Variants in ALS2 observed in about 807,000 individuals in gnomAD.
ALS2 encodes alsin Rho guanine nucleotide exchange factor ALS2.
A neutral mutation model predicts 203.4 loss-of-function variants in ALS2; 117 were observed. The ratio of observed to expected loss-of-function variants is 0.58; its 90% CI spans 0.50 to 0.67. The LOEUF is 0.67. Ranked by LOEUF, ALS2 falls within the 30% of genes least tolerant of loss-of-function variation. ALS2 has a pLI of 0.00. For missense variants in ALS2, 1,715 were observed against 1,989.4 expected, an observed-to-expected ratio of 0.86 and a Z score of 2.62; for synonymous variants, 718 against 725.9, an observed-to-expected ratio of 0.99 and a Z score of 0.17.
chr2:201,738,717 T>G lies in ALS2; in HGVS notation c.2370A>C (p.Thr790=), dbSNP rs35039727. Residue 790 remains threonine (T), a synonymous_variant, in exon 12 of 34, where the codon ACA becomes ACC. Transcript: ENST00000264276. The part of the protein sequence containing the change: ...DSYTEYCTSI[T]NFLVMGGFQL... ...GGAATCCTCCCATAACCAGGAAATT[T>G]GTAATAGATGTGCAATACCTTGAGC... The G allele has an allele frequency of 3.7e-6, 6 of 1,614,072 alleles. No homozygotes were observed. The African/African-American group carries it at 6.7e-5, about 18-fold the overall frequency.
At chr2:201,729,333 GA>G in intron 13 of ALS2, 150 bp from the exon 14 acceptor site, 1 of 831,152 alleles carries the variant, frequency 1.2e-6, no homozygotes, top group Non-Finnish European at 1.9e-6. Flanking sequence ...AGGAGACTGG[GA>G]AAAGGAGATT....
rs1689315803 is a variant in ALS2, at chr2:201,700,441, C to T, written c.*1410G>A. The stretch of plus-strand genomic sequence containing the variant: ...AAAACCCCAGAGGGACTTTTGAGGC[C>T]AATACTTAGAGGCATGGATTACAAT... On this transcript the variant is annotated 3_prime_UTR_variant, in exon 34 of 34. Transcript: ENST00000264276. 1.3e-5 allele frequency: 2 copies of T among 152,452 alleles called. No homozygotes were observed. Among genetic ancestry groups the T allele is most frequent in the South Asian group, 4.1e-4 (2 of 4,828 alleles). The allele number at this position is 152,452 out of a possible 1,614,324, so 9.4% of individuals were successfully genotyped here. A position where few individuals can be genotyped will look rare whatever the true frequency, so the allele number is the denominator to read the frequency against.
At chr2:201,714,975 A>T (rs1329303852) in intron 25 of ALS2, among the ~76,000 whole-genome samples, 1 of 152,136 alleles carries the variant, frequency 6.6e-6, no homozygotes, top group Non-Finnish European at 1.5e-5. Context: ...CACTTCCGTG[A>T]TTGTGCCACA....
At chr2:201,741,918 G>T in intron 10 of ALS2, 64 bp from the exon 11 acceptor site, 2 of 1,332,272 alleles carry the variant, frequency 1.5e-6, no homozygotes, top group South Asian at 1.2e-5. Context: ...ATTATGATGT[G>T]ATTATGATTA....
At chr2:201,766,964 G>A (rs1694119667) in intron 3 of ALS2, among the ~76,000 whole-genome samples, 1 of 136,978 alleles carries the variant, frequency 7.3e-6, no homozygotes, top group Non-Finnish European at 1.5e-5. Flanking sequence ...AGCGGGGAGG[G>A]ATAGCATTAG....
chr2:201,780,490 G>C lies in ALS2; in HGVS notation c.-61+387C>G, dbSNP rs563385193. On this transcript the variant is annotated intron_variant, in intron 1 of 33. Transcript: ENST00000264276. Reference sequence around the variant, plus strand: ...ACGGACCCCAGTTTATCAGCTCAGCGCCTAGTGTGGGCATTCAAGAAATTC... The same window carrying C: ...ACGGACCCCAGTTTATCAGCTCAGCCCCTAGTGTGGGCATTCAAGAAATTC... Among the ~76,000 whole-genome samples, 57 of 152,324 alleles carry C rather than the reference G, an allele frequency of 3.7e-4. No homozygotes were observed. In the South Asian group the frequency reaches 0.012, roughly 32 times the overall value.
Position 201,715,683 on chromosome 2 carries a change from C to T in ALS2, c.3993G>A (p.Gln1331=). 1 of 1,614,224 alleles carries T rather than the reference C, an allele frequency of 6.2e-7. No individual in the cohort carries two copies. The part of the protein sequence containing the change: ...IAVALTTSRR[Q]HRDSPEILSR... Reference sequence around the variant, plus strand: ...AGGTGTTCACTCACCTGTCTCTGTGCTGGCGCCGACTGGTGGTCAAGGCCA... The same window carrying T: ...AGGTGTTCACTCACCTGTCTCTGTGTTGGCGCCGACTGGTGGTCAAGGCCA... Residue 1331 remains glutamine, a synonymous_variant, in exon 25 of 34, where the codon CAG becomes CAA. Coordinates refer to ENST00000264276, the MANE Select transcript of ALS2 (RefSeq NM_020919.4).
At chr2:201,716,268 G>C (rs988005100) in intron 24 of ALS2, among the ~76,000 whole-genome samples, 2 of 152,082 alleles carry the variant, frequency 1.3e-5, no homozygotes, top group Non-Finnish European at 2.9e-5. Context: ...AATTGGCTGG[G>C]CATGGTGGCT....
At chr2:201,745,896 C>G (rs1383696238) in intron 9 of ALS2, among the ~76,000 whole-genome samples, 1 of 152,102 alleles carries the variant, frequency 6.6e-6, no homozygotes. Context: ...TTGCAATGGG[C>G]CAAGACTGTG....
At chr2:201,773,507 G>GCAA (rs976913281) in intron 1 of ALS2, among the ~76,000 whole-genome samples, 1 of 152,166 alleles carries the variant, frequency 6.6e-6, no homozygotes, top group African/African-American at 2.4e-5. Context: ...CCTGAAATGG[G>GCAA]CAAGAGTGAG....
At chr2:201,779,621 T>C (rs1016098434) in intron 1 of ALS2, among the ~76,000 whole-genome samples, 3 of 152,204 alleles carry the variant, frequency 2.0e-5, no homozygotes, top group African/African-American at 7.2e-5. Context: ...TATTGAATAT[T>C]TACCATAAAA....
chr2:201,767,522 C>T, intron 2 of ALS2, 139 bp from the exon 3 acceptor site: 1 of 960,450 alleles, frequency 1.0e-6, no homozygotes, highest in Non-Finnish European at 1.6e-6. Context: ...CTATTTTATG[C>T]TTTGGTTATG....
Position 201,723,080 on chromosome 2 carries a change from T to G in ALS2, c.3665A>C (p.Glu1222Ala), listed in dbSNP as rs776717489. Residue 1222 changes from glutamate to alanine, a missense_variant, in exon 23 of 34, where the codon GAA becomes GCA. By Grantham distance (107) the Glu-to-Ala change is moderately radical. Coordinates refer to ENST00000264276, the MANE Select transcript of ALS2 (RefSeq NM_020919.4). The stretch of plus-strand genomic sequence containing the variant: ...AGTCCAGTCATCTGAAAATTCTCCT[T>G]CATAGATAGTATCATCTTCGGAAAG... ...VLLSEDDTIY[E>A]GEFSDDWTLS... 5 of 1,613,764 alleles carry G rather than the reference T, an allele frequency of 3.1e-6. No homozygotes were observed. Among genetic ancestry groups the G allele is most frequent in the Non-Finnish European group, 4.2e-6 (5 of 1,179,756 alleles).
intron 21 of ALS2, 51 bp downstream of exon 21, chr2:201,724,244 T>C (rs568535738): frequency 6.5e-6 from 10 of 1,547,310 alleles, no homozygotes; most frequent in East Asian, 2.2e-5. Flanking sequence ...TAAATAATGA[T>C]GGTGCTTAAT....
In ALS2 at chr2:201,733,427, T is replaced by G. The variant is rs1336065706; in HGVS notation, c.2429A>C (p.Asn810Thr). 6.2e-7 allele frequency: 1 copy of G among 1,613,554 alleles called. No individual in the cohort carries two copies. Residue 810 changes from asparagine (N) to threonine (T), a missense_variant, in exon 13 of 34, where the codon AAT (asparagine) becomes ACT (threonine). Transcript: ENST00000264276. ...LLAKPAIDFL[N>T]KNQELLQDLS... ...ATCTTGCAACAGCTCTTGGTTTTTA[T>G]TTAGGAAATCACTAGAGGCAGAGGA...
intron 9 of ALS2, among the ~76,000 whole-genome samples, 191 bp downstream of exon 9, chr2:201,746,375 T>C (rs1180979874): frequency 6.6e-6 from 1 of 152,138 alleles, no homozygotes; most frequent in African/African-American, 2.4e-5. Context: ...AATTATATAG[T>C]GTATTCGATG....
Position 201,761,565 on chromosome 2 carries a change from C to A in ALS2, c.429G>T (p.Glu143Asp). 3 of 1,614,212 alleles carry A rather than the reference C, an allele frequency of 1.9e-6. No homozygotes were observed. The highest frequency in any genetic ancestry group is 1.7e-6 in the Non-Finnish European group (2 of 1,180,036). ...EPNPVSIADSEASPLLAVRIL... is the reference protein window; with the variant it reads ...EPNPVSIADSDASPLLAVRIL... ...TCCTGACTGCTAACAAAGGGCTGGCCTCAGAATCAGCAATGCTGACAGGAT... is the reference window on the plus strand; with the variant it reads ...TCCTGACTGCTAACAAAGGGCTGGCATCAGAATCAGCAATGCTGACAGGAT... Residue 143 changes from glutamate to aspartate, a missense_variant, in exon 4 of 34, where the codon GAG becomes GAT. By Grantham distance (45) the Glu-to-Asp change is conservative. This residue lies in a region of ALS2 where 476 missense variants were observed against 539.3 expected (regional missense o/e 0.88). Transcript: ENST00000264276.
At chr2:201,754,847 C>G (rs947731411) in intron 5 of ALS2, among the ~76,000 whole-genome samples, 176 bp from the exon 6 acceptor site, 2 of 152,224 alleles carry the variant, frequency 1.3e-5, no homozygotes, top group Admixed American at 6.5e-5. Flanking sequence ...TTGGTAAATA[C>G]TCACTGCTAC....
intron 8 of ALS2, 88 bp from the exon 9 acceptor site, chr2:201,746,836 T>C: frequency 6.8e-7 from 1 of 1,475,468 alleles, no homozygotes; most frequent in Non-Finnish European, 9.4e-7. Context: ...TTAGGTTGCT[T>C]AAATAAGCGT....
Sources: allele counts gnomAD v4.1 joint callset (sites outside exome capture counted in the v4.1 genomes callset), GRCh38; gene constraint gnomAD v4.1.1; regional missense constraint gnomAD v4.1.1; transcripts MANE v1.5; gene names NCBI Gene and HGNC (gene_info 2026-07-23, HGNC 2026-07-21).